The following DGKG variants were observed in gnomAD, a reference collection of about 807,000 sequenced individuals.
DGKG encodes DAG kinase gamma.
In DGKG, 78 loss-of-function variants were observed where a neutral mutation model predicts 105.3. The ratio of observed to expected loss-of-function variants is 0.74; its 90% CI spans 0.62 to 0.89. The LOEUF is 0.89. DGKG is among the 40% of genes least tolerant of loss of function. DGKG has a pLI of 0.00. For missense variants in DGKG, 958 were observed against 1,020.1 expected (o/e 0.94, Z 0.83); for synonymous variants, 346 against 367.1 (o/e 0.94, Z 0.66).
rs920942740 is a variant in DGKG at position 186,211,958 on chromosome 3, G to C, written c.1827-73C>G. ...CTCATGTAAAATAGCTATGTTCTTT[G>C]GATTGGGAGGCCCAAGCCTTCAGCA... On this transcript the variant is annotated intron_variant, in intron 20 of 24. Transcript: ENST00000265022. 4.9e-6 allele frequency: 6 copies of C among 1,229,544 alleles called. No homozygotes were observed. In the Admixed American group the frequency reaches 8.6e-5, roughly 18 times the overall value. The allele number at this position is 1,229,544 out of a possible 1,614,324, so 76.2% of individuals were successfully genotyped here.
At chr3:186,202,448 T>C (rs1439523459) in intron 21 of DGKG, among the ~76,000 whole-genome samples, 2 of 152,244 alleles carry the variant, frequency 1.3e-5, no homozygotes, top group Non-Finnish European at 2.9e-5. Flanking sequence ...AACCTGTGAT[T>C]GTAGAGGAAG....
At position 186,284,334 on chromosome 3, in the gene DGKG, C is replaced by T. The variant is rs987432056; in HGVS notation, c.594+326G>A. Among the ~76,000 whole-genome samples the T allele has an allele frequency of 6.6e-6, 1 of 152,130 alleles. No homozygotes were observed. ...GCCTCCCCCGCCCTCTCCTCTTGGC[C>T]TCAGGACTCCTGCAGGAAATTGCAG... is the stretch of plus-strand genomic sequence containing the variant. On this transcript the variant is annotated intron_variant, in intron 7 of 24. Coordinates refer to ENST00000265022, the MANE Select transcript of DGKG (RefSeq NM_001346.3). This position sits in a 1 kb window ranked among gnomAD's most constrained non-coding sequence, Gnocchi z 4.0.
intron 1 of DGKG, among the ~76,000 whole-genome samples, chr3:186,337,122 A>G (rs977169032): frequency 4.6e-5 from 7 of 152,200 alleles, no homozygotes; most frequent in East Asian, 1.9e-4. Flanking sequence ...TTAAGTTACA[A>G]TTTATTCTAT....
At chr3:186,202,035 GCTTGAAACTCATCTGAT>G (rs1267121832) in intron 21 of DGKG, among the ~76,000 whole-genome samples, 1 of 152,218 alleles carries the variant, frequency 6.6e-6, no homozygotes, top group East Asian at 1.9e-4. Context: ...ACAGATTGAG[GCTTGAAACTCATCTGAT>G]CTTGGGAGTA....
chr3:186,186,032 AG>A (rs1717613433), intron 22 of DGKG, among the ~76,000 whole-genome samples: 1 of 133,088 alleles, frequency 7.5e-6, no homozygotes, highest in Admixed American at 8.9e-5. Flanking sequence ...TGGGAGGAGG[AG>A]GTTGCAGTGA....
At position 186,268,906 on chromosome 3, in the gene DGKG, G is replaced by A. The variant is rs369331390; in HGVS notation, c.1011C>T (p.His337=). 41 of 1,612,874 alleles carry A rather than the reference G, an allele frequency of 2.5e-5. 1 individual carries two copies. The highest frequency in any genetic ancestry group is 2.3e-4 in the African/African-American group (17 of 74,932). The change falls in exon 12 of 25, where the codon CAC becomes CAT. Residue 337 remains histidine, a synonymous_variant. Transcript: ENST00000265022. ...CGGAGGAGTTCCCTTCCACCCATGC[G>A]TGCTGCATCACCTGCGGGAGGGAAG... is the stretch of plus-strand genomic sequence containing the variant. ...KAKRSGEVMQ[H]AWVEGNSSVK... is the part of the protein sequence containing the mutation.
intron 22 of DGKG, among the ~76,000 whole-genome samples, chr3:186,177,192 T>C (rs1717124398): frequency 1.3e-5 from 2 of 152,226 alleles, no homozygotes; most frequent in South Asian, 4.1e-4. Context: ...CACATGACTC[T>C]CAGATCCTAT....
At chr3:186,175,801 C>T (rs1477964334) in intron 22 of DGKG, among the ~76,000 whole-genome samples, 2 of 152,094 alleles carry the variant, frequency 1.3e-5, no homozygotes, top group Non-Finnish European at 1.5e-5. Context: ...GAGAGTTAAC[C>T]GACAGCTTAC....
chr3:186,217,781 C>T (rs1038363713), intron 20 of DGKG, among the ~76,000 whole-genome samples: 3 of 152,158 alleles, frequency 2.0e-5, no homozygotes, highest in Admixed American at 6.6e-5. Context: ...CTTCTGGGGA[C>T]CCTTTCCTGA....
intron 1 of DGKG, among the ~76,000 whole-genome samples, chr3:186,339,939 A>C (rs1197106534): frequency 2.0e-5 from 3 of 152,226 alleles, no homozygotes; most frequent in African/African-American, 7.2e-5. Flanking sequence ...TCATCTGGAA[A>C]ATGGGAATAG....
intron 1 of DGKG, among the ~76,000 whole-genome samples, chr3:186,323,270 C>A (rs1217302907): frequency 6.6e-6 from 1 of 152,172 alleles, no homozygotes; most frequent in Non-Finnish European, 1.5e-5. Flanking sequence ...CCTTTGCCAT[C>A]GTGCCAGGGA....
At chr3:186,345,305 A>G (rs1436320250) in intron 1 of DGKG, among the ~76,000 whole-genome samples, 1 of 152,236 alleles carries the variant, frequency 6.6e-6, no homozygotes, top group Non-Finnish European at 1.5e-5. Context: ...GGTAAACAAC[A>G]TAGAGCTGAA....
chr3:186,295,741 G>C (rs1048214829), intron 5 of DGKG, among the ~76,000 whole-genome samples: 4 of 151,490 alleles, frequency 2.6e-5, no homozygotes, highest in African/African-American at 9.7e-5. Flanking sequence ...CCTTTCATGG[G>C]AAGAGGATGC....
chr3:186,229,370 A>T lies in DGKG; in HGVS notation c.1826+13134T>A, dbSNP rs2108538404. On this transcript the variant is annotated intron_variant, in intron 20 of 24. Transcript: ENST00000265022. ...ATTCGCATGCCTCAGCCTCCCAAGT[A>T]GCTGGGATTACAGGTGCCCACCCGC... Among the ~76,000 whole-genome samples, 2 of 151,830 alleles carry T rather than the reference A, an allele frequency of 1.3e-5. 1 individual carries two copies. The highest frequency in any genetic ancestry group is 4.2e-4 in the South Asian group (2 of 4,786).
chr3:186,179,107 C>T lies in DGKG; in HGVS notation c.2095+9095G>A, dbSNP rs150892927. 2.9e-4 allele frequency among the ~76,000 whole-genome samples: 44 copies of T among 152,346 alleles called. No individual in the cohort carries two copies. In the East Asian group the frequency reaches 7.3e-3, roughly 25 times the overall value. ...CTTGAGAGTCTGCACTTCTGACACA[C>T]ACCCATGCAAGGCCAAGGCTCCTGG... On this transcript the variant is annotated intron_variant, in intron 22 of 24. Coordinates refer to ENST00000265022, the MANE Select transcript of DGKG (RefSeq NM_001346.3).
rs532072907 is a variant in DGKG, at chr3:186,209,009, T to C, written c.1917+2786A>G. On this transcript the variant is annotated intron_variant, in intron 21 of 24. Coordinates refer to ENST00000265022, the MANE Select transcript of DGKG (RefSeq NM_001346.3). ...GTTGCCTTGCTGCGTTGTCATAGCA[T>C]ATTAGGACATGTTATGGTCGGCAGT... Among the ~76,000 whole-genome samples the C allele has an allele frequency of 1.6e-4, 25 of 152,198 alleles. No homozygotes were observed. The South Asian group carries it at 4.6e-3, about 28-fold the overall frequency.
intron 14 of DGKG, among the ~76,000 whole-genome samples, chr3:186,263,193 G>A (rs1721867723): frequency 1.3e-5 from 2 of 151,940 alleles, no homozygotes; most frequent in African/African-American, 2.4e-5. Flanking sequence ...ACAAAAACCT[G>A]CTTATCCTCA....
At chr3:186,253,000 C>T in intron 18 of DGKG, 93 bp downstream of exon 18, 1 of 1,070,952 alleles carries the variant, frequency 9.3e-7, no homozygotes, top group South Asian at 1.3e-5. Flanking sequence ...GGAATGTGAT[C>T]CATAAAAGGG....
At chr3:186,310,279 A>AAAAAAAAAG (rs1560148114) in intron 2 of DGKG, among the ~76,000 whole-genome samples, 2 of 149,034 alleles carry the variant, frequency 1.3e-5, no homozygotes, top group African/African-American at 2.4e-5. Flanking sequence ...AAAAAAAAAA[A>AAAAAAAAAG]AAAAAAAAAA....
Sources: gnomAD v4.1 joint callset for allele counts (sites outside exome capture counted in the v4.1 genomes callset) on GRCh38, gnomAD v4.1.1 for gene constraint, Gnocchi (gnomAD v3.1) non-coding constraint, MANE v1.5 for transcripts, NCBI Gene and HGNC (gene_info 2026-07-23, HGNC 2026-07-21) for gene names.